Variants in NANP observed in about 807,000 individuals in gnomAD.
The protein encoded by NANP is N-acylneuraminate-9-phosphatase.
NANP carries 15 observed loss-of-function variants against 16.9 expected under a neutral mutation model. The ratio of observed to expected loss-of-function variants is 0.89; its 90% CI spans 0.59 to 1.37. The LOEUF is 1.37. Among genes scored for constraint, NANP ranks in the 40% most tolerant of loss-of-function variants. The pLI, the probability that NANP is intolerant of heterozygous loss-of-function variation, is 0.00. For missense variants in NANP, 290 were observed against 303.5 expected (o/e 0.96, Z 0.33); for synonymous variants, 135 against 112.6 (o/e 1.20, Z -1.26).
chr20:25,615,709 C>G lies in NANP; in HGVS notation c.*216G>C. 1.9e-6 allele frequency: 1 copy of G among 520,844 alleles called. No individual in the cohort carries two copies. The highest frequency in any genetic ancestry group is 3.6e-5 in the Admixed American group (1 of 27,442). The allele number at this position is 520,844 out of a possible 1,614,324, so 32.3% of individuals were successfully genotyped here. ...CTGGGCTATACTACTGACCTGAATT[C>G]ATGCAATCTGAATTTTCAGATATAA... On this transcript the variant is annotated 3_prime_UTR_variant, in exon 2 of 2. Transcript: ENST00000304788.
Position 25,616,381 on chromosome 20 carries a change from A to G in NANP, c.291T>C (p.Tyr97=). The G allele has an allele frequency of 1.2e-6, 2 of 1,613,612 alleles. No individual in the cohort carries two copies. Among genetic ancestry groups the G allele is most frequent in the Non-Finnish European group, 1.7e-6 (2 of 1,179,886 alleles). Residue 97 remains tyrosine, a synonymous_variant, in exon 2 of 2, where the codon TAT becomes TAC. Transcript: ENST00000304788. ...GTAAACGTGTAGATTTCCAAAGGAA[A>G]TAACATTCTTCAGCCAATTTTCTAT... ...AANRKLAEEC[Y]FLWKSTRLQH... is the part of the protein sequence containing the mutation.
intron 1 of NANP, among the ~76,000 whole-genome samples, chr20:25,622,728 T>C (rs1266334621): frequency 6.6e-6 from 1 of 152,182 alleles, no homozygotes; most frequent in Non-Finnish European, 1.5e-5. Flanking sequence ...GATTCCGGCA[T>C]TTTGGGAATG....
In NANP at chr20:25,616,045, G is replaced by A. The variant is rs772829741; in HGVS notation, c.627C>T (p.Ile209=). The A allele has an allele frequency of 6.2e-7, 1 of 1,614,162 alleles. No homozygotes were observed. Among genetic ancestry groups the A allele is most frequent in the Non-Finnish European group, 8.5e-7 (1 of 1,180,030 alleles). Reference sequence around the variant, plus strand: ...TCAGTGGCACTATTCCATTTTTATTGATCCAGACTGTTGCTTTCAATCCTG... The same window carrying A: ...TCAGTGGCACTATTCCATTTTTATTAATCCAGACTGTTGCTTTCAATCCTG... ...LNAGLKATVW[I]NKNGIVPLKS... is the part of the protein sequence containing the mutation. The change falls in exon 2 of 2, where the codon ATC becomes ATT. Residue 209 remains isoleucine (I), a synonymous_variant. Coordinates refer to ENST00000304788, the MANE Select transcript of NANP (RefSeq NM_152667.3).
At chr20:25,621,317 A>T (rs553954973) in intron 1 of NANP, among the ~76,000 whole-genome samples, 100 of 152,292 alleles carry the variant, frequency 6.6e-4, no homozygotes, top group African/African-American at 2.2e-3. Context: ...ACCCACTAAG[A>T]AGTAAATTCA....
intron 1 of NANP, among the ~76,000 whole-genome samples, chr20:25,617,748 C>T (rs1028668979): frequency 6.6e-6 from 1 of 152,056 alleles, no homozygotes; most frequent in Non-Finnish European, 1.5e-5. Flanking sequence ...AACTCTTGAC[C>T]CCAAGTGATC....
intron 1 of NANP, among the ~76,000 whole-genome samples, chr20:25,621,832 C>T (rs1204337175): frequency 1.3e-5 from 2 of 152,186 alleles, no homozygotes; most frequent in East Asian, 1.9e-4. Context: ...GGATTACAGG[C>T]GTGAGCCACC....
intron 1 of NANP, among the ~76,000 whole-genome samples, chr20:25,623,330 A>T (rs564248630): frequency 6.6e-6 from 1 of 152,322 alleles, no homozygotes; most frequent in South Asian, 2.1e-4. Context: ...GGCCAGAAGA[A>T]GTTCTGCGGC....
intron 1 of NANP, among the ~76,000 whole-genome samples, chr20:25,618,085 C>G (rs1178737127): frequency 2.0e-5 from 3 of 151,762 alleles, no homozygotes; most frequent in Non-Finnish European, 2.9e-5. Flanking sequence ...TGCTTACTTC[C>G]AAAGCCCACA....
chr20:25,617,297 C>T (rs370448638), intron 1 of NANP, among the ~76,000 whole-genome samples: 63 of 152,280 alleles, frequency 4.1e-4, no homozygotes, highest in Middle Eastern at 3.4e-3. Context: ...CTGCAACCTC[C>T]ACTGCCCAGG....
In NANP at chr20:25,623,985, C is replaced by G; in HGVS notation, c.-37G>C. 1 of 1,599,092 alleles carries G rather than the reference C, an allele frequency of 6.3e-7. No individual in the cohort carries two copies. Among genetic ancestry groups the G allele is most frequent in the South Asian group, 1.1e-5 (1 of 90,116 alleles). On this transcript the variant is annotated 5_prime_UTR_variant, in exon 1 of 2. Coordinates refer to ENST00000304788, the MANE Select transcript of NANP (RefSeq NM_152667.3). ...CTGGCGCGAACCGTAGCCTTGCCAC[C>G]GCCGCCTGCGCATGCGCAAGGCGGA... is the stretch of plus-strand genomic sequence containing the variant.
At position 25,616,028 on chromosome 20, in the gene NANP, A is replaced by T; in HGVS notation, c.644T>A (p.Val215Glu). 1 of 1,614,224 alleles carries T rather than the reference A, an allele frequency of 6.2e-7. No individual in the cohort carries two copies. The highest frequency in any genetic ancestry group is 2.2e-5 in the East Asian group (1 of 44,890). The stretch of plus-strand genomic sequence containing the variant: ...CGGAACTGGGGAGGACTTCAGTGGC[A>T]CTATTCCATTTTTATTGATCCAGAC... ...ATVWINKNGI[V>E]PLKSSPVPHY... Residue 215 changes from valine to glutamate, a missense_variant, in exon 2 of 2, where the codon GTG becomes GAG. Val to Glu is a moderately radical substitution (Grantham distance 121). Coordinates refer to ENST00000304788, the MANE Select transcript of NANP (RefSeq NM_152667.3).
rs888509161 is a variant in NANP at position 25,613,561 on chromosome 20, T to G, written c.*2364A>C. 2.8e-6 allele frequency: 1 copy of G among 361,224 alleles called. No homozygotes were observed. Among genetic ancestry groups the G allele is most frequent in the Non-Finnish European group, 4.9e-6 (1 of 204,268 alleles). The allele number at this position is 361,224 out of a possible 1,614,324, so 22.4% of individuals were successfully genotyped here. ...CCCATAATTTTAAGGAATATTATTC[T>G]AAAACAAAAAATATTAATAAAATCA... On this transcript the variant is annotated 3_prime_UTR_variant, in exon 2 of 2. Coordinates refer to ENST00000304788, the MANE Select transcript of NANP (RefSeq NM_152667.3).
chr20:25,622,376 A>G (rs572015205), intron 1 of NANP, among the ~76,000 whole-genome samples: 1 of 152,346 alleles, frequency 6.6e-6, no homozygotes, highest in South Asian at 2.1e-4. Flanking sequence ...AGGGTTATTG[A>G]GGACTAATAT....
At chr20:25,619,820 A>C (rs1445037005) in intron 1 of NANP, among the ~76,000 whole-genome samples, 2 of 152,192 alleles carry the variant, frequency 1.3e-5, no homozygotes, top group Non-Finnish European at 2.9e-5. Flanking sequence ...GCTCCTATAC[A>C]GACCCAATTT....
rs2065341993 is a variant in NANP, at chr20:25,616,068, C to A, written c.604G>T (p.Gly202Ter). 8 of 1,614,086 alleles carry A rather than the reference C, an allele frequency of 5.0e-6. No homozygotes were observed. The highest frequency in any genetic ancestry group is 1.3e-5 in the African/African-American group (1 of 74,934). Residue 202 changes from glycine (G) to a stop codon, truncating the protein, a stop_gained, in exon 2 of 2, where the codon GGA becomes TGA. Transcript: ENST00000304788. LOFTEE classifies it high-confidence loss of function. ...ETDIQGGLNA[G>*]LKATVWINKN... ...TTGATCCAGACTGTTGCTTTCAATC[C>A]TGCATTGAGGCCTCCTTGGATGTCG... is the stretch of plus-strand genomic sequence containing the variant.
chr20:25,623,005 T>A (rs1401520589), intron 1 of NANP, among the ~76,000 whole-genome samples: 1 of 152,096 alleles, frequency 6.6e-6, no homozygotes, highest in African/African-American at 2.4e-5. Flanking sequence ...ACGGATGAGG[T>A]AGTGGAAGAT....
rs1302795471 is a variant in NANP, at chr20:25,615,657, A to T, written c.*268T>A. On this transcript the variant is annotated 3_prime_UTR_variant, in exon 2 of 2. Transcript: ENST00000304788. ...TTTTAAAAAGCTCCAGATACAGACT[A>T]ACAAATAATATATTTCCTTAAATTT... 1 of 356,284 alleles carries T rather than the reference A, an allele frequency of 2.8e-6. No homozygotes were observed. The highest frequency in any genetic ancestry group is 5.0e-6 in the Non-Finnish European group (1 of 199,638). 22.1% of individuals were successfully genotyped at this position (356,284 alleles called of 1,614,324 possible). A position where few individuals can be genotyped will look rare whatever the true frequency, so the allele number is the denominator to read the frequency against.
At chr20:25,619,106 A>T (rs1057083915) in intron 1 of NANP, among the ~76,000 whole-genome samples, 6 of 151,550 alleles carry the variant, frequency 4.0e-5, no homozygotes, top group African/African-American at 1.5e-4. Flanking sequence ...AAGAATCACA[A>T]CAAAGGAAAA....
intron 1 of NANP, among the ~76,000 whole-genome samples, chr20:25,621,439 T>C (rs1249633523): frequency 6.6e-6 from 1 of 152,114 alleles, no homozygotes. Context: ...AGAAAAAAAA[T>C]AACTTCCCTA....
Sources: allele counts gnomAD v4.1 joint callset (sites outside exome capture counted in the v4.1 genomes callset), GRCh38; gene constraint gnomAD v4.1.1; transcripts MANE v1.5; gene names NCBI Gene and HGNC (gene_info 2026-07-23, HGNC 2026-07-21).